UNC79: variants seen among roughly 807,000 people sequenced by gnomAD.
UNC79 encodes unc-79 subunit of NALCN channel complex.
Under a neutral mutation model 283.1 loss-of-function variants are expected in UNC79, and 37 were observed. The ratio of observed to expected loss-of-function variants is 0.13; its 90% CI spans 0.10 to 0.17. UNC79 has a LOEUF of 0.17. Ranked by LOEUF, UNC79 falls within the 10% of genes least tolerant of loss-of-function variation. The pLI is 1.00. For synonymous variants in UNC79, 1,107 were observed against 1,200.2 expected, an observed-to-expected ratio of 0.92 and a Z score of 1.61; for missense variants, 2,272 against 3,211.1, an observed-to-expected ratio of 0.71 and a Z score of 7.07.
At chr14:93,415,096 G>A (rs1566921204) in intron 1 of UNC79, among the ~76,000 whole-genome samples, 3 of 152,152 alleles carry the variant, frequency 2.0e-5, no homozygotes, top group Non-Finnish European at 2.9e-5. Flanking sequence ...CCTGTCTTGT[G>A]CCAGTTTTCA....
At position 93,531,941 on chromosome 14, in the gene UNC79, G is replaced by A. The variant is rs1171117036; in HGVS notation, c.1094-609G>A. Among the ~76,000 whole-genome samples, 1 of 152,176 alleles carries A rather than the reference G, an allele frequency of 6.6e-6. No homozygotes were observed. The highest frequency in any genetic ancestry group is 1.5e-5 in the Non-Finnish European group (1 of 68,032). ...TAACAAGATTTGATTTCTAAGTCAT[G>A]TCTGAAAAGATTAAATTATTTGTAA... is the stretch of plus-strand genomic sequence containing the variant. On this transcript the variant is annotated intron_variant, in intron 10 of 48. Transcript: ENST00000555664. This position sits in a 1 kb window ranked among gnomAD's most constrained non-coding sequence, Gnocchi z 4.2.
chr14:93,575,578 C>G (rs1418591121), intron 17 of UNC79, among the ~76,000 whole-genome samples: 1 of 150,924 alleles, frequency 6.6e-6, no homozygotes, highest in African/African-American at 2.4e-5. Context: ...GTTTTTTTTT[C>G]CTTGTCTTTT....
At chr14:93,418,341 G>A (rs1294384538) in intron 1 of UNC79, among the ~76,000 whole-genome samples, 8 of 151,796 alleles carry the variant, frequency 5.3e-5, no homozygotes, top group Non-Finnish European at 1.2e-4. Flanking sequence ...GCAGATTTTC[G>A]TGAACCGTGA....
chr14:93,522,469 G>GA (rs1367955794), intron 7 of UNC79, among the ~76,000 whole-genome samples: 1 of 152,046 alleles, frequency 6.6e-6, no homozygotes, highest in Non-Finnish European at 1.5e-5. Flanking sequence ...ATGAGTTTGG[G>GA]ATCAGAAGAA....
rs575205019 is a variant in UNC79, at chr14:93,565,374, G to C, written c.1756-6520G>C. ...ACCTATGACCCAGGGGGTTAAGCGA[G>C]CTGTTAGGAATAGACAAGGTGAGCT... is the stretch of plus-strand genomic sequence containing the variant. On this transcript the variant is annotated intron_variant, in intron 14 of 48. Coordinates refer to ENST00000555664, the Ensembl canonical transcript of UNC79. 3.1e-3 allele frequency among the ~76,000 whole-genome samples: 471 copies of C among 152,276 alleles called. 2 individuals are homozygous for C. The highest frequency in any genetic ancestry group is 0.011 in the African/African-American group (437 of 41,532).
At chr14:93,506,395 G>A (rs1021809169) in intron 7 of UNC79, among the ~76,000 whole-genome samples, 1 of 151,900 alleles carries the variant, frequency 6.6e-6, no homozygotes, top group Non-Finnish European at 1.5e-5. Context: ...GCTAATTTTT[G>A]TATTTTTAGT....
chr14:93,540,961 C>A, intron 13 of UNC79, 130 bp downstream of exon 13: 2 of 1,146,980 alleles, frequency 1.7e-6, no homozygotes, highest in Non-Finnish European at 2.5e-6. Flanking sequence ...GGGGCTGAAG[C>A]TATGGCAATA....
At chr14:93,347,184 C>G in intron 1 of UNC79, 1 of 1,461,472 alleles carries the variant, frequency 6.8e-7, no homozygotes, top group South Asian at 1.4e-5. Context: ...CGCAAACCAG[C>G]TGCCTCACGA....
intron 6 of UNC79, 107 bp downstream of exon 6, chr14:93,496,573 C>T: frequency 1.5e-6 from 1 of 669,080 alleles, no homozygotes; most frequent in Non-Finnish European, 2.3e-6. Flanking sequence ...TTATTGACGT[C>T]CTATTATTTT....
At chr14:93,440,265 A>G (rs975356442) in intron 1 of UNC79, among the ~76,000 whole-genome samples, 3 of 152,030 alleles carry the variant, frequency 2.0e-5, no homozygotes, top group African/African-American at 7.2e-5. Context: ...CCAGGAACCA[A>G]TCCCTGGTGG....
intron 1 of UNC79, chr14:93,397,183 T>C (rs1029088293): frequency 2.0e-5 from 3 of 152,226 alleles, no homozygotes; most frequent in Non-Finnish European, 2.9e-5. Flanking sequence ...ATACCAACTT[T>C]AGTGACACTA....
chr14:93,375,635 A>G (rs900304429), intron 1 of UNC79, among the ~76,000 whole-genome samples: 1 of 152,162 alleles, frequency 6.6e-6, no homozygotes, highest in Non-Finnish European at 1.5e-5. Context: ...ACTTCCAGTC[A>G]TGGTGGAAGG....
At chr14:93,478,871 T>C (rs987844818) in intron 4 of UNC79, among the ~76,000 whole-genome samples, 4 of 152,220 alleles carry the variant, frequency 2.6e-5, no homozygotes, top group African/African-American at 9.6e-5. Flanking sequence ...TCTTTTGAGC[T>C]ACATTTGCTT....
chr14:93,706,798 G>T, exon 49 of UNC79: 16 of 1,614,266 alleles, frequency 9.9e-6, no homozygotes, highest in Non-Finnish European at 1.4e-5. Context: ...GGCCAGAGCA[G>T]TGCTGGCCTG....
intron 14 of UNC79, among the ~76,000 whole-genome samples, chr14:93,556,411 A>G (rs1333303817): frequency 3.3e-5 from 5 of 152,252 alleles, no homozygotes; most frequent in African/African-American, 1.2e-4. Context: ...AATGCAAAAT[A>G]ATTTCTGATG....
chr14:93,501,948 C>T (rs2059311428), intron 7 of UNC79, among the ~76,000 whole-genome samples: 2 of 152,106 alleles, frequency 1.3e-5, no homozygotes, highest in African/African-American at 2.4e-5. Flanking sequence ...TTTAACTTCA[C>T]ATATATGTGT....
intron 17 of UNC79, 126 bp from the exon 18 acceptor site, chr14:93,577,716 G>T: frequency 2.3e-6 from 2 of 879,310 alleles, no homozygotes; most frequent in South Asian, 1.6e-5. Flanking sequence ...AGGTACTAAT[G>T]CCATTGGTTA....
chr14:93,512,248 A>G, intron 7 of UNC79, among the ~76,000 whole-genome samples: 1 of 152,210 alleles, frequency 6.6e-6, no homozygotes, highest in African/African-American at 2.4e-5. Context: ...ATAGGAAATT[A>G]CATATTATTC....
At chr14:93,695,393 A>G (rs984852895) in intron 47 of UNC79, among the ~76,000 whole-genome samples, 1 of 152,254 alleles carries the variant, frequency 6.6e-6, no homozygotes, top group Non-Finnish European at 1.5e-5. Context: ...GACTGTTACC[A>G]GAACAGAACA....
Sources: gnomAD v4.1 joint callset for allele counts (sites outside exome capture counted in the v4.1 genomes callset) on GRCh38, gnomAD v4.1.1 for gene constraint, Gnocchi (gnomAD v3.1) non-coding constraint, MANE v1.5 for transcripts, NCBI Gene and HGNC (gene_info 2026-07-23, HGNC 2026-07-21) for gene names.